Variants in ESYT1 observed in about 807,000 individuals in gnomAD.
ESYT1 encodes extended synaptotagmin-1.
Under a neutral mutation model 154.2 loss-of-function variants are expected in ESYT1, and 116 were observed. The observed-to-expected ratio is 0.75, with a 90% CI of 0.65 to 0.88. The LOEUF (loss-of-function observed/expected upper bound fraction) is 0.88, where lower values mean the gene tolerates loss of function less well. Ranked by LOEUF, ESYT1 falls within the 40% of genes least tolerant of loss-of-function variation. The pLI is 0.00. For synonymous variants in ESYT1, 500 were observed against 539.9 expected, an observed-to-expected ratio of 0.93 and a Z score of 1.02; for missense variants, 1,264 against 1,379.3, an observed-to-expected ratio of 0.92 and a Z score of 1.32.
In ESYT1 at chr12:56,137,843, A is replaced by G. The variant is rs1870527126; in HGVS notation, c.2127A>G (p.Thr709=). The G allele has an allele frequency of 6.2e-7, 1 of 1,614,194 alleles. No homozygotes were observed. Among genetic ancestry groups the G allele is most frequent in the Non-Finnish European group, 8.5e-7 (1 of 1,180,028 alleles). ...TTTTCTCCCACTAGGTGATCGTCAC[A>G]TCAGTTCCAGGCCAAGAGCTAGAGG... The part of the protein sequence containing the change: ...RWNEVFEVIV[T]SVPGQELEVE... The change falls in exon 19 of 31, where the codon ACA becomes ACG. Residue 709 remains threonine (T), a synonymous_variant. Transcript: ENST00000394048.
rs753473699 is a variant in ESYT1 at position 56,138,175 on chromosome 12, T to C, written c.2248-8T>C. Reference sequence around the variant, plus strand: ...ATCCCCAAGTCTTCACCCTGCCTACTTCCACAGTGGCTGACCCTGGAGGAT... The same window carrying C: ...ATCCCCAAGTCTTCACCCTGCCTACCTCCACAGTGGCTGACCCTGGAGGAT... On this transcript the variant is annotated splice_region_variant and splice_polypyrimidine_tract_variant and intron_variant, in intron 20 of 30. Coordinates refer to ENST00000394048, the MANE Select transcript of ESYT1 (RefSeq NM_015292.3). 24 of 1,614,036 alleles carry C rather than the reference T, an allele frequency of 1.5e-5. No individual in the cohort carries two copies. The highest frequency in any genetic ancestry group is 1.9e-5 in the Non-Finnish European group (23 of 1,179,982).
chr12:56,131,387 G>A (rs1870228893), intron 5 of ESYT1, 71 bp downstream of exon 5: 5 of 1,610,510 alleles, frequency 3.1e-6, no homozygotes, highest in South Asian at 2.2e-5. Flanking sequence ...GGGGAAGTGT[G>A]AGGTTGGAAA....
In ESYT1 at chr12:56,138,036, C is replaced by G. The variant is rs775631340; in HGVS notation, c.2209C>G (p.Arg737Gly). The G allele has an allele frequency of 6.2e-7, 1 of 1,614,172 alleles. No individual in the cohort carries two copies. Among genetic ancestry groups the G allele is most frequent in the Admixed American group, 1.7e-5 (1 of 60,018 alleles). The change falls in exon 20 of 31, where the codon CGT becomes GGT. Residue 737 changes from arginine to glycine, a missense_variant. Coordinates refer to ENST00000394048, the MANE Select transcript of ESYT1 (RefSeq NM_015292.3). ...CTTTCTCTTCAACAGGTGTAAAGTG[C>G]GTCTCACCACAGTCTTAAACAGTGG... ...KDDFLGRCKVRLTTVLNSGFL... is the reference protein window; with the variant it reads ...KDDFLGRCKVGLTTVLNSGFL...
rs139259039 is a variant in ESYT1 at position 56,143,033 on chromosome 12, G to C, written c.3004G>C (p.Gly1002Arg). The part of the protein sequence containing the change: ...VHGCRSLRQN[G>R]RDPPDPYVSL... ...CTGTTGTAGGTCCCTTCGACAGAAT[G>C]GACGTGATCCTCCTGATCCCTATGT... Residue 1002 changes from glycine (G) to arginine (R), a missense_variant, in exon 28 of 31, where the codon GGA becomes CGA. By Grantham distance (125) the Gly-to-Arg change is moderately radical (BLOSUM62 -2). Coordinates refer to ENST00000394048, the MANE Select transcript of ESYT1 (RefSeq NM_015292.3). 6.8e-6 allele frequency: 11 copies of C among 1,614,106 alleles called. No homozygotes were observed. Among genetic ancestry groups the C allele is most frequent in the Admixed American group, 1.7e-5 (1 of 60,004 alleles).
chr12:56,137,711 C>T, intron 18 of ESYT1, 36 bp downstream of exon 18: 2 of 1,609,754 alleles, frequency 1.2e-6, no homozygotes, highest in South Asian at 1.1e-5. Flanking sequence ...TGGTTCTGCC[C>T]CATTTTTCCC....
rs1474828947 is a variant in ESYT1 at position 56,142,849 on chromosome 12, C to T, written c.2903C>T (p.Pro968Leu). The T allele has an allele frequency of 1.2e-6, 2 of 1,614,212 alleles. No individual in the cohort carries two copies. Among genetic ancestry groups the T allele is most frequent in the African/African-American group, 1.3e-5 (1 of 75,064 alleles). Residue 968 changes from proline to leucine, a missense_variant, in exon 27 of 31, where the codon CCA (proline) becomes CTA (leucine). By Grantham distance (98) the Pro-to-Leu change is moderately conservative. Transcript: ENST00000394048. This position sits in a 1 kb window ranked among gnomAD's most constrained non-coding sequence, Gnocchi z 4.1. ...LTHVDSPLEAPAGPLGQVKLT... is the reference protein window; with the variant it reads ...LTHVDSPLEALAGPLGQVKLT... Reference sequence around the variant, plus strand: ...TTTCTCCACAGTCCCCTTGAGGCTCCAGCCGGGCCTCTGGGCCAGGTGAAA... The same window carrying T: ...TTTCTCCACAGTCCCCTTGAGGCTCTAGCCGGGCCTCTGGGCCAGGTGAAA...
Position 56,130,796 on chromosome 12 carries a change from G to A in ESYT1, c.438G>A (p.Val146=). The A allele has an allele frequency of 1.2e-6, 2 of 1,613,844 alleles. No individual in the cohort carries two copies. The highest frequency in any genetic ancestry group is 1.7e-6 in the Non-Finnish European group (2 of 1,180,016). ...VEKAEWLNKI[V]AQVWPFLGQY... ...CCATCTCTCTTTCCTCCCAGATTGT[G>A]GCCCAGGTCTGGCCCTTCCTGGGCC... is the stretch of plus-strand genomic sequence containing the variant. Residue 146 remains valine (V), a synonymous_variant, in exon 3 of 31, where the codon GTG becomes GTA. Coordinates refer to ENST00000394048, the MANE Select transcript of ESYT1 (RefSeq NM_015292.3).
rs577368857 is a variant in ESYT1 at position 56,137,563 on chromosome 12, G to A, written c.2003G>A (p.Gly668Glu). The change falls in exon 18 of 31, where the codon GGA becomes GAA. Residue 668 changes from glycine (G) to glutamate (E), a missense_variant. Coordinates refer to ENST00000394048, the MANE Select transcript of ESYT1 (RefSeq NM_015292.3). Reference protein sequence around the residue: ...DLIAKDRFLGGLVKGKSDPYV... With the variant: ...DLIAKDRFLGELVKGKSDPYV... The stretch of plus-strand genomic sequence containing the variant: ...ATTGCCAAAGACCGTTTCTTGGGGG[G>A]ACTGGTGAAGGGCAAGTCAGACCCC... The A allele has an allele frequency of 4.3e-6, 7 of 1,614,086 alleles. No individual in the cohort carries two copies. In the Admixed American group the frequency reaches 8.3e-5, roughly 19 times the overall value.
Position 56,128,368 on chromosome 12 carries a change from C to T in ESYT1, c.49C>T (p.Pro17Ser). ...CCCCAGCCCCAGCCCCATGGACCAG[C>T]CCTCTGCTCCCTCCGACCCCACTGA... ...EGPSPSPMDQ[P>S]SAPSDPTDQP... The change falls in exon 1 of 31, where the codon CCC becomes TCC. Residue 17 changes from proline to serine, a missense_variant. Transcript: ENST00000394048. 1 of 1,612,276 alleles carries T rather than the reference C, an allele frequency of 6.2e-7. No homozygotes were observed. Among genetic ancestry groups the T allele is most frequent in the Non-Finnish European group, 8.5e-7 (1 of 1,179,304 alleles).
intron 24 of ESYT1, among the ~76,000 whole-genome samples, chr12:56,141,828 G>C (rs559466665): frequency 6.6e-6 from 1 of 152,294 alleles, no homozygotes; most frequent in South Asian, 2.1e-4. Flanking sequence ...GCCAGACACA[G>C]TGGCTCACAC....
At chr12:56,130,953 G>C in intron 3 of ESYT1, 28 bp downstream of exon 3, 2 of 1,614,142 alleles carry the variant, frequency 1.2e-6, no homozygotes, top group Non-Finnish European at 1.7e-6. Flanking sequence ...AAAGTGAGGA[G>C]GTAGGCTAGG....
intron 17 of ESYT1, 48 bp from the exon 18 acceptor site, chr12:56,137,451 C>A (rs1178951359): frequency 6.2e-7 from 1 of 1,609,154 alleles, no homozygotes; most frequent in East Asian, 2.2e-5. Context: ...CAGATTCTGA[C>A]AGGTCTCTCT....
In ESYT1 at chr12:56,143,288, G is replaced by A. The variant is rs1870789386; in HGVS notation, c.3180G>A (p.Lys1060=). ...GACGAAAGCTGGATGTCTCTGTCAAGTCTAATTCCTCCTTCATGTCAAGAG... is the reference window on the plus strand; with the variant it reads ...GACGAAAGCTGGATGTCTCTGTCAAATCTAATTCCTCCTTCATGTCAAGAG... ...AQRRKLDVSV[K]SNSSFMSRER... Residue 1060 remains lysine (K), a synonymous_variant, in exon 29 of 31, where the codon AAG becomes AAA. Transcript: ENST00000394048. 6.2e-7 allele frequency: 1 copy of A among 1,614,032 alleles called. No individual in the cohort carries two copies. Among genetic ancestry groups the A allele is most frequent in the African/African-American group, 1.3e-5 (1 of 74,912 alleles).
intron 8 of ESYT1, 29 bp from the exon 9 acceptor site, chr12:56,132,392 G>A (rs1256269999): frequency 6.2e-7 from 1 of 1,613,968 alleles, no homozygotes; most frequent in Non-Finnish European, 8.5e-7. Context: ...TGGGTCCTTA[G>A]TTTCTCACCA....
chr12:56,134,420 G>T lies in ESYT1; in HGVS notation c.1624G>T (p.Asp542Tyr). The change falls in exon 15 of 31, where the codon GAT becomes TAT. Residue 542 changes from aspartate (D) to tyrosine (Y), a missense_variant. Coordinates refer to ENST00000394048, the MANE Select transcript of ESYT1 (RefSeq NM_015292.3). ...FLQDPQSQEL[D>Y]VQVKDDSRAL... Reference sequence around the variant, plus strand: ...ACAAGACCCTCAAAGCCAGGAGCTCGATGTGCAAGTGAGATAATCACCTCT... The same window carrying T: ...ACAAGACCCTCAAAGCCAGGAGCTCTATGTGCAAGTGAGATAATCACCTCT... 1 of 1,613,952 alleles carries T rather than the reference G, an allele frequency of 6.2e-7. No homozygotes were observed. Among genetic ancestry groups the T allele is most frequent in the Non-Finnish European group, 8.5e-7 (1 of 1,179,920 alleles).
In ESYT1 at chr12:56,142,738, G is replaced by A. The variant is rs767474504; in HGVS notation, c.2888+6G>A. ...CGCCTAACACATGTTGACAGGTAAA[G>A]GGCTGGGACAGGAAGGTGGGACGCA... On this transcript the variant is annotated splice_donor_region_variant and intron_variant, in intron 26 of 30. Coordinates refer to ENST00000394048, the MANE Select transcript of ESYT1 (RefSeq NM_015292.3). The surrounding 1 kb of genome is among the most constrained non-coding windows in gnomAD (Gnocchi z 4.1). 5.6e-6 allele frequency: 9 copies of A among 1,613,714 alleles called. No homozygotes were observed. The East Asian group carries it at 1.8e-4, about 32-fold the overall frequency.
Position 56,131,047 on chromosome 12 carries a change from G to T in ESYT1, c.575G>T (p.Arg192Leu), listed in dbSNP as rs576236959. The T allele has an allele frequency of 1.7e-5, 27 of 1,614,124 alleles. No individual in the cohort carries two copies. Among genetic ancestry groups the T allele is most frequent in the Non-Finnish European group, 2.2e-5 (26 of 1,180,024 alleles). ...GAATTTCTCTCTCCCTAGCCATTGCGCATCATTGGAGTCAAGGTTCACCCA... is the reference window on the plus strand; with the variant it reads ...GAATTTCTCTCTCCCTAGCCATTGCTCATCATTGGAGTCAAGGTTCACCCA... The part of the protein sequence containing the change: ...TRVELGEKPL[R>L]IIGVKVHPGQ... Residue 192 changes from arginine (R) to leucine (L), a missense_variant, in exon 4 of 31, where the codon CGC (arginine) becomes CTC (leucine). By Grantham distance (102) the Arg-to-Leu change is moderately radical. Transcript: ENST00000394048.
At chr12:56,143,788 A>G (rs922914400) in intron 30 of ESYT1, 35 bp from the exon 31 acceptor site, 2 of 1,613,656 alleles carry the variant, frequency 1.2e-6, no homozygotes, top group Non-Finnish European at 1.7e-6. Context: ...TGATGACACA[A>G]GAGTCATCTT....
chr12:56,131,834 G>A, intron 7 of ESYT1, 30 bp downstream of exon 7: 1 of 1,610,892 alleles, frequency 6.2e-7, no homozygotes, highest in Non-Finnish European at 8.5e-7. Context: ...CACCTGCTGA[G>A]TGTTCCAGCG....
Sources: gnomAD v4.1 joint callset for allele counts (sites outside exome capture counted in the v4.1 genomes callset) on GRCh38, gnomAD v4.1.1 for gene constraint, Gnocchi (gnomAD v3.1) non-coding constraint, MANE v1.5 for transcripts, NCBI Gene and HGNC (gene_info 2026-07-23, HGNC 2026-07-21) for gene names.